Variants in S100A3 observed in about 807,000 individuals in gnomAD.
S100A3 encodes protein S100-A3.
Under a neutral mutation model 8.0 loss-of-function variants are expected in S100A3, and 11 were observed. The ratio of observed to expected loss-of-function variants is 1.37; its 90% confidence interval spans 0.86 to 2.27. The LOEUF is 2.27. Among genes scored for constraint, S100A3 ranks in the 30% most tolerant of loss-of-function variants. The pLI is 0.00. For synonymous variants in S100A3, 43 were observed against 49.6 expected (o/e 0.87, Z 0.56); for missense variants, 124 against 127.1 (o/e 0.98, Z 0.12).
rs368402612 is a variant in S100A3 at position 153,547,799 on chromosome 1, G to A, written c.189C>T (p.Asp63=). 34 of 1,613,874 alleles carry A rather than the reference G, an allele frequency of 2.1e-5. No individual in the cohort carries two copies. Among genetic ancestry groups the A allele is most frequent in the Non-Finnish European group, 2.8e-5 (33 of 1,179,942 alleles). ...AGTCCACCTCGCAGTCCTTGTTGGT[G>A]TCCAGAACACTCATGAATTTGTTGT... is the stretch of plus-strand genomic sequence containing the variant. ...CDYNKFMSVL[D]TNKDCEVDFV... The change falls in exon 3 of 3, where the codon GAC becomes GAT. Residue 63 remains aspartate, a synonymous_variant. Coordinates refer to ENST00000368713, the MANE Select transcript of S100A3 (RefSeq NM_002960.2). This position sits in a 1 kb window ranked among gnomAD's most constrained non-coding sequence, Gnocchi z 4.0.
In S100A3 at chr1:153,547,945, C is replaced by T. The variant is rs1180456670; in HGVS notation, c.142-99G>A. On this transcript the variant is annotated intron_variant, in intron 2 of 2. Transcript: ENST00000368713. The surrounding 1 kb of genome is among the most constrained non-coding windows in gnomAD (Gnocchi z 4.0). ...CTCCTTCCTCTCCCAAGTGGACCCA[C>T]CCCACCCCAAACTACACCCTTCTGA... 7.6e-7 allele frequency: 1 copy of T among 1,313,448 alleles called. No homozygotes were observed. The highest frequency in any genetic ancestry group is 1.1e-6 in the Non-Finnish European group (1 of 935,878). The allele number at this position is 1,313,448 out of a possible 1,614,324, so 81.4% of individuals were successfully genotyped here. A position where few individuals can be genotyped will look rare whatever the true frequency, so the allele number is the denominator to read the frequency against.
At chr1:153,548,311 G>A (rs189849558) in intron 2 of S100A3, 34 bp downstream of exon 2, 18 of 1,610,616 alleles carry the variant, frequency 1.1e-5, no homozygotes, top group Middle Eastern at 1.7e-4. Flanking sequence ...GCCTCCCCCC[G>A]GAGGAGGAGG....
chr1:153,547,998 T>G lies in S100A3; in HGVS notation c.142-152A>C, dbSNP rs930850439. On this transcript the variant is annotated intron_variant, in intron 2 of 2. Transcript: ENST00000368713. The surrounding 1 kb of genome is among the most constrained non-coding windows in gnomAD (Gnocchi z 4.0). ...GCCGACTTCAACCTCCCTGCTCTGA[T>G]AATGCACTCGTTGCAATCCCCTCCC... 1.3e-6 allele frequency: 1 copy of G among 779,660 alleles called. No individual in the cohort carries two copies. The highest frequency in any genetic ancestry group is 1.7e-5 in the African/African-American group (1 of 57,280). 48.3% of individuals were successfully genotyped at this position (779,660 alleles called of 1,614,324 possible). A position where few individuals can be genotyped will look rare whatever the true frequency, so the allele number is the denominator to read the frequency against.
In S100A3 at chr1:153,547,585, G is replaced by A. The variant is rs1571240627; in HGVS notation, c.*97C>T. The A allele has an allele frequency of 7.2e-7, 1 of 1,385,784 alleles. No homozygotes were observed. Among genetic ancestry groups the A allele is most frequent in the East Asian group, 2.3e-5 (1 of 43,160 alleles). 85.8% of individuals were successfully genotyped at this position (1,385,784 alleles called of 1,614,324 possible). A position where few individuals can be genotyped will look rare whatever the true frequency, so the allele number is the denominator to read the frequency against. On this transcript the variant is annotated 3_prime_UTR_variant, in exon 3 of 3. Coordinates refer to ENST00000368713, the MANE Select transcript of S100A3 (RefSeq NM_002960.2). This position sits in a 1 kb window ranked among gnomAD's most constrained non-coding sequence, Gnocchi z 4.0. ...GGTTAACTGATCGCAGAAGACCTGG[G>A]CAAGTCCAGATTGAAAGGGGTACAG...
intron 2 of S100A3, 49 bp downstream of exon 2, chr1:153,548,296 G>A: frequency 6.2e-7 from 1 of 1,608,700 alleles, no homozygotes; most frequent in Non-Finnish European, 8.5e-7. Context: ...CAGAGTCTAG[G>A]CAGTGCCTCC....
chr1:153,548,007 C>T (rs1249102785), intron 2 of S100A3, among the ~76,000 whole-genome samples, 161 bp from the exon 3 acceptor site: 1 of 152,100 alleles, frequency 6.6e-6, no homozygotes, highest in African/African-American at 2.4e-5. Flanking sequence ...ATAATGCACT[C>T]GTTGCAATCC....
rs1375034872 is a variant in S100A3 at position 153,547,691 on chromosome 1, G to A, written c.297C>T (p.Cys99=). ...CCCCCTGGAGCAGAGGCTACTGGGA[G>A]CAGGGGGGCTCTGAGGGGCAGTCCT... ...YFKDCPSEPP[C]SQ Residue 99 remains cysteine, a synonymous_variant, in exon 3 of 3, where the codon TGC becomes TGT. Coordinates refer to ENST00000368713, the MANE Select transcript of S100A3 (RefSeq NM_002960.2). The surrounding 1 kb of genome is among the most constrained non-coding windows in gnomAD (Gnocchi z 4.0). The A allele has an allele frequency of 6.8e-6, 11 of 1,613,658 alleles. No homozygotes were observed. Among genetic ancestry groups the A allele is most frequent in the Non-Finnish European group, 9.3e-6 (11 of 1,179,790 alleles).
chr1:153,548,518 A>T, intron 1 of S100A3, 28 bp from the exon 2 acceptor site: 2 of 1,548,348 alleles, frequency 1.3e-6, no homozygotes, highest in South Asian at 2.4e-5. Context: ...TGTGGCTCAC[A>T]GCAGAGTTCC....
chr1:153,547,429 G>A lies in S100A3; in HGVS notation c.*253C>T, dbSNP rs1665596641. 4.1e-5 allele frequency: 20 copies of A among 485,404 alleles called. No homozygotes were observed. Among genetic ancestry groups the A allele is most frequent in the East Asian group, 3.3e-4 (10 of 30,738 alleles). 30.1% of individuals were successfully genotyped at this position (485,404 alleles called of 1,614,324 possible). ...CCTCGAGGGCCTCAGAGCAGATCCC[G>A]CCTCCTCCCATCCACAAGGGAGGCC... On this transcript the variant is annotated 3_prime_UTR_variant, in exon 3 of 3. Transcript: ENST00000368713. The surrounding 1 kb of genome is among the most constrained non-coding windows in gnomAD (Gnocchi z 4.0).
Position 153,548,223 on chromosome 1 carries a change from C to T in S100A3, c.141+122G>A. 9.1e-6 allele frequency: 12 copies of T among 1,325,930 alleles called. No individual in the cohort carries two copies. In the South Asian group the frequency reaches 1.4e-4, roughly 16 times the overall value. The allele number at this position is 1,325,930 out of a possible 1,614,324, so 82.1% of individuals were successfully genotyped here. Reference sequence around the variant, plus strand: ...AGTTCTCCCCCTCCCACTCCCTCCTCACAATCCAGCCCCCTCCCTTGCTGT... The same window carrying T: ...AGTTCTCCCCCTCCCACTCCCTCCTTACAATCCAGCCCCCTCCCTTGCTGT... On this transcript the variant is annotated intron_variant, in intron 2 of 2. Coordinates refer to ENST00000368713, the MANE Select transcript of S100A3 (RefSeq NM_002960.2).
chr1:153,547,443 A>C lies in S100A3; in HGVS notation c.*239T>G. 1 of 512,398 alleles carries C rather than the reference A, an allele frequency of 2.0e-6. No individual in the cohort carries two copies. Among genetic ancestry groups the C allele is most frequent in the South Asian group, 3.1e-5 (1 of 32,632 alleles). The allele number at this position is 512,398 out of a possible 1,614,324, so 31.7% of individuals were successfully genotyped here. On this transcript the variant is annotated 3_prime_UTR_variant, in exon 3 of 3. Transcript: ENST00000368713. The surrounding 1 kb of genome is among the most constrained non-coding windows in gnomAD (Gnocchi z 4.0). ...GAGCAGATCCCGCCTCCTCCCATCC[A>C]CAAGGGAGGCCACAGGGGTGCGGCA...
chr1:153,549,084 C>T (rs1055673004), intron 1 of S100A3, 97 bp downstream of exon 1: 1 of 152,862 alleles, frequency 6.5e-6, no homozygotes, highest in African/African-American at 2.4e-5. Context: ...CTTGTGGGAT[C>T]CTCTCTGCCT....
At chr1:153,548,531 G>A in intron 1 of S100A3, 41 bp from the exon 2 acceptor site, 4 of 1,535,936 alleles carry the variant, frequency 2.6e-6, no homozygotes, top group Non-Finnish European at 3.5e-6. Context: ...AGAGTTCCAG[G>A]CCAGCCCCCC....
At position 153,547,660 on chromosome 1, in the gene S100A3, A is replaced by AGCGC; in HGVS notation, c.*18_*21dup. Reference sequence around the variant, plus strand: ...GAGACATGCCCAGCCCCCGACAGCCAGCGCACCCCCTGGAGCAGAGGCTAC... The same window carrying AGCGC: ...GAGACATGCCCAGCCCCCGACAGCCAGCGCGCGCACCCCCTGGAGCAGAGGCTAC... On this transcript the variant is annotated 3_prime_UTR_variant, in exon 3 of 3. Coordinates refer to ENST00000368713, the MANE Select transcript of S100A3 (RefSeq NM_002960.2). This position sits in a 1 kb window ranked among gnomAD's most constrained non-coding sequence, Gnocchi z 4.0. The AGCGC allele has an allele frequency of 6.2e-7, 1 of 1,609,844 alleles. No individual in the cohort carries two copies. The highest frequency in any genetic ancestry group is 8.5e-7 in the Non-Finnish European group (1 of 1,177,350).
In S100A3 at chr1:153,547,617, G is replaced by A; in HGVS notation, c.*65C>T. 2 of 1,558,440 alleles carry A rather than the reference G, an allele frequency of 1.3e-6. No individual in the cohort carries two copies. Among genetic ancestry groups the A allele is most frequent in the Non-Finnish European group, 8.8e-7 (1 of 1,139,036 alleles). ...CAGATTGAAAGGGGTACAGGAGAGAGGGTAGGAGGGGGTGTGGGAGACATG... is the reference window on the plus strand; with the variant it reads ...CAGATTGAAAGGGGTACAGGAGAGAAGGTAGGAGGGGGTGTGGGAGACATG... On this transcript the variant is annotated 3_prime_UTR_variant, in exon 3 of 3. Transcript: ENST00000368713. The surrounding 1 kb of genome is among the most constrained non-coding windows in gnomAD (Gnocchi z 4.0).
chr1:153,547,907 A>C lies in S100A3; in HGVS notation c.142-61T>G. On this transcript the variant is annotated intron_variant, in intron 2 of 2. Transcript: ENST00000368713. This position sits in a 1 kb window ranked among gnomAD's most constrained non-coding sequence, Gnocchi z 4.0. The stretch of plus-strand genomic sequence containing the variant: ...AGGATGAGGAGGGCAGAACAGCCTC[A>C]CACGCCACCTCCCTCCTTCCTCTCC... 9.8e-6 allele frequency: 15 copies of C among 1,530,942 alleles called. No homozygotes were observed. Among genetic ancestry groups the C allele is most frequent in the South Asian group, 1.2e-5 (1 of 83,082 alleles). 94.8% of individuals were successfully genotyped at this position (1,530,942 alleles called of 1,614,324 possible). A position where few individuals can be genotyped will look rare whatever the true frequency, so the allele number is the denominator to read the frequency against.
In S100A3 at chr1:153,548,380, C is replaced by T; in HGVS notation, c.106G>A (p.Glu36Lys). The T allele has an allele frequency of 6.2e-7, 1 of 1,613,918 alleles. No individual in the cohort carries two copies. Among genetic ancestry groups the T allele is most frequent in the Non-Finnish European group, 8.5e-7 (1 of 1,179,988 alleles). ...GTGGCCAGCTCCTTCTGCAGCAGCT[C>T]CTTGAGCTCCGCCTGGCAGAGCTTG... is the stretch of plus-strand genomic sequence containing the variant. Reference protein sequence around the residue: ...KYKLCQAELKELLQKELATWT... With the variant: ...KYKLCQAELKKLLQKELATWT... The change falls in exon 2 of 3, where the codon GAG (glutamate) becomes AAG (lysine). Residue 36 changes from glutamate to lysine, a missense_variant. Coordinates refer to ENST00000368713, the MANE Select transcript of S100A3 (RefSeq NM_002960.2).
At chr1:153,548,244 G>A in intron 2 of S100A3, 101 bp downstream of exon 2, 6 of 1,473,320 alleles carry the variant, frequency 4.1e-6, no homozygotes, top group South Asian at 1.2e-5. Flanking sequence ...CCCCTCCCTT[G>A]CTGTCCTGTG....
intron 1 of S100A3, among the ~76,000 whole-genome samples, chr1:153,548,777 C>T (rs1665647998): frequency 6.6e-6 from 1 of 152,204 alleles, no homozygotes; most frequent in Non-Finnish European, 1.5e-5. Context: ...CACCCACACA[C>T]CCCACCGTGG....
Sources: gnomAD v4.1 joint callset for allele counts (sites outside exome capture counted in the v4.1 genomes callset) on GRCh38, gnomAD v4.1.1 for gene constraint, Gnocchi (gnomAD v3.1) non-coding constraint, MANE v1.5 for transcripts, NCBI Gene and HGNC (gene_info 2026-07-23, HGNC 2026-07-21) for gene names.